Variants in ANGPTL5 observed in about 807,000 individuals in gnomAD.
ANGPTL5 encodes the protein angiopoietin like 5.
Under a neutral mutation model 39.4 loss-of-function variants are expected in ANGPTL5, and 34 were observed. The ratio of observed to expected loss-of-function variants is 0.86; its 90% CI spans 0.66 to 1.15. The LOEUF (loss-of-function observed/expected upper bound fraction) is 1.15, where lower values mean the gene tolerates loss of function less well. Ranked by LOEUF, ANGPTL5 falls within the 50% of genes most tolerant of loss-of-function variation. The pLI is 0.00. For missense variants in ANGPTL5, 467 were observed against 457.5 expected (o/e 1.02, Z -0.19); for synonymous variants, 146 against 152.1 (o/e 0.96, Z 0.29).
intron 1 of ANGPTL5, among the ~76,000 whole-genome samples, chr11:101,908,780 C>CAAA (rs59041644): frequency 0.048 from 3,123 of 64,874 alleles, 56 homozygotes; most frequent in Non-Finnish European, 0.057. Context: ...GACTCCATCT[C>CAAA]AAAAAAAAAA....
chr11:101,897,607 A>C (rs1939823241), intron 7 of ANGPTL5, among the ~76,000 whole-genome samples: 1 of 152,140 alleles, frequency 6.6e-6, no homozygotes, highest in Non-Finnish European at 1.5e-5. Flanking sequence ...ATTTATTAAA[A>C]AGGGAATCCT....
intron 1 of ANGPTL5, among the ~76,000 whole-genome samples, chr11:101,910,012 C>G (rs768724669): frequency 1.1e-4 from 17 of 152,334 alleles, no homozygotes; most frequent in Non-Finnish European, 1.2e-4. Context: ...GCTGCTCATG[C>G]TGCTGGGTGG....
rs554606250 is a variant in ANGPTL5, at chr11:101,916,504, G to C, written c.-578C>G. 6.6e-6 allele frequency: 1 copy of C among 152,178 alleles called. No individual in the cohort carries two copies. The highest frequency in any genetic ancestry group is 2.1e-4 in the South Asian group (1 of 4,830). The allele number at this position is 152,178 out of a possible 1,614,324, so 9.4% of individuals were successfully genotyped here. A position where few individuals can be genotyped will look rare whatever the true frequency, so the allele number is the denominator to read the frequency against. ...CTCAAAATGGTAGCTTGCAATAGCTGCTTCTAGTTCCTCTCATCTATTCAT... is the reference window on the plus strand; with the variant it reads ...CTCAAAATGGTAGCTTGCAATAGCTCCTTCTAGTTCCTCTCATCTATTCAT... On this transcript the variant is annotated 5_prime_UTR_variant, in exon 1 of 9. Coordinates refer to ENST00000334289, the MANE Select transcript of ANGPTL5 (RefSeq NM_178127.5).
intron 7 of ANGPTL5, among the ~76,000 whole-genome samples, chr11:101,897,246 T>C (rs1023583329): frequency 1.3e-5 from 2 of 152,238 alleles, no homozygotes; most frequent in Non-Finnish European, 2.9e-5. Context: ...TTGTAGATTC[T>C]GGATATTAGC....
intron 1 of ANGPTL5, chr11:101,915,175 G>A: frequency 2.0e-6 from 3 of 1,499,810 alleles, no homozygotes; most frequent in South Asian, 1.3e-5. Context: ...CCCGTGACGC[G>A]GGGCCTGAGA....
chr11:101,891,525 A>G lies in ANGPTL5; in HGVS notation c.921T>C (p.Asn307=), dbSNP rs777356410. The part of the protein sequence containing the change: ...AMPFSTSDVD[N]DGCRPACLVN... ...CCAGGCATGCAGGGCGACACCCATCATTATCAACATCTGATGTGCTAAAAG... is the reference window on the plus strand; with the variant it reads ...CCAGGCATGCAGGGCGACACCCATCGTTATCAACATCTGATGTGCTAAAAG... Residue 307 remains asparagine (N), a synonymous_variant, in exon 9 of 9, where the codon AAT becomes AAC. Coordinates refer to ENST00000334289, the MANE Select transcript of ANGPTL5 (RefSeq NM_178127.5). The G allele has an allele frequency of 6.2e-7, 1 of 1,614,096 alleles. No individual in the cohort carries two copies. Among genetic ancestry groups the G allele is most frequent in the Admixed American group, 1.7e-5 (1 of 59,978 alleles).
chr11:101,898,274 T>C (rs188317640), intron 7 of ANGPTL5, among the ~76,000 whole-genome samples: 27 of 152,340 alleles, frequency 1.8e-4, no homozygotes, highest in Admixed American at 1.7e-3. Flanking sequence ...ATACTGATTC[T>C]TCCTATTTAT....
Position 101,891,121 on chromosome 11 carries a change from C to A in ANGPTL5, c.*158G>T. 1.6e-6 allele frequency: 1 copy of A among 609,148 alleles called. No individual in the cohort carries two copies. Among genetic ancestry groups the A allele is most frequent in the Non-Finnish European group, 2.7e-6 (1 of 365,418 alleles). 37.7% of individuals were successfully genotyped at this position (609,148 alleles called of 1,614,324 possible). A position where few individuals can be genotyped will look rare whatever the true frequency, so the allele number is the denominator to read the frequency against. On this transcript the variant is annotated 3_prime_UTR_variant, in exon 9 of 9. Transcript: ENST00000334289. ...AAGCCATGTTTTCTTTTATAGAATA[C>A]TACAAAATTGAAGTTTTCTAATTAA...
chr11:101,915,787 A>C (rs1264397182), intron 1 of ANGPTL5, among the ~76,000 whole-genome samples: 1 of 152,250 alleles, frequency 6.6e-6, no homozygotes, highest in East Asian at 1.9e-4. Context: ...TACACAAATA[A>C]GTAAAATGTT....
intron 7 of ANGPTL5, 61 bp from the exon 8 acceptor site, chr11:101,895,125 T>C: frequency 7.6e-7 from 1 of 1,311,098 alleles, no homozygotes; most frequent in Non-Finnish European, 1.0e-6. Flanking sequence ...TGGTTTATTA[T>C]TGAATGTTTG....
chr11:101,897,129 T>G (rs764572047), intron 7 of ANGPTL5, among the ~76,000 whole-genome samples: 3 of 152,232 alleles, frequency 2.0e-5, no homozygotes, highest in Non-Finnish European at 4.4e-5. Context: ...TTTTTTCATA[T>G]GTGGTTGGCC....
chr11:101,904,647 C>T (rs1939966607), intron 5 of ANGPTL5, among the ~76,000 whole-genome samples, 167 bp downstream of exon 5: 1 of 152,166 alleles, frequency 6.6e-6, no homozygotes, highest in South Asian at 2.1e-4. Context: ...AGAAAGTACA[C>T]GTTGTCTATG....
intron 1 of ANGPTL5, among the ~76,000 whole-genome samples, chr11:101,914,216 T>C (rs546281177): frequency 2.6e-5 from 4 of 152,228 alleles, no homozygotes; most frequent in Non-Finnish European, 5.9e-5. Context: ...ATCTGGGAAT[T>C]TTTCCAAGAA....
At chr11:101,894,576 T>C (rs908863736) in intron 8 of ANGPTL5, among the ~76,000 whole-genome samples, 2 of 152,152 alleles carry the variant, frequency 1.3e-5, no homozygotes, top group Non-Finnish European at 2.9e-5. Flanking sequence ...TGTCAGCCTC[T>C]CTGAACATGA....
intron 1 of ANGPTL5, among the ~76,000 whole-genome samples, chr11:101,912,287 A>C (rs1430340377): frequency 6.6e-6 from 1 of 152,264 alleles, no homozygotes. Context: ...TTCTGATAAA[A>C]AATAGGGATT....
chr11:101,895,670 C>G (rs1939778739), intron 7 of ANGPTL5, among the ~76,000 whole-genome samples: 1 of 152,130 alleles, frequency 6.6e-6, no homozygotes. Flanking sequence ...GGTTTAGGAT[C>G]AATATTTCCA....
chr11:101,901,811 A>G (rs1231786119), intron 6 of ANGPTL5, among the ~76,000 whole-genome samples: 1 of 152,152 alleles, frequency 6.6e-6, no homozygotes, highest in Non-Finnish European at 1.5e-5. Flanking sequence ...CTAAGAAGAG[A>G]AACCGGTAGT....
chr11:101,902,715 T>A lies in ANGPTL5; in HGVS notation c.446A>T (p.Asp149Val), dbSNP rs533409426. Residue 149 changes from aspartate (D) to valine (V), a missense_variant, in exon 6 of 9, where the codon GAT becomes GTT. Coordinates refer to ENST00000334289, the MANE Select transcript of ANGPTL5 (RefSeq NM_178127.5). ...AATGGTATCCTTAATATCAGTGCAATCTAAACCTAGAAAAGCAAAATTATT... is the reference window on the plus strand; with the variant it reads ...AATGGTATCCTTAATATCAGTGCAAACTAAACCTAGAAAAGCAAAATTATT... Reference protein sequence around the residue: ...PHRPVQSHGLDCTDIKDTIGS... With the variant: ...PHRPVQSHGLVCTDIKDTIGS... 1 of 1,607,242 alleles carries A rather than the reference T, an allele frequency of 6.2e-7. No homozygotes were observed. The highest frequency in any genetic ancestry group is 1.1e-5 in the South Asian group (1 of 90,354).
intron 5 of ANGPTL5, among the ~76,000 whole-genome samples, chr11:101,903,014 C>T (rs1038590739): frequency 6.6e-6 from 1 of 152,088 alleles, no homozygotes; most frequent in African/African-American, 2.4e-5. Context: ...TATAATTACA[C>T]ATTCTCTTTA....
Sources: allele counts gnomAD v4.1 joint callset (sites outside exome capture counted in the v4.1 genomes callset), GRCh38; gene constraint gnomAD v4.1.1; transcripts MANE v1.5; gene names NCBI Gene and HGNC (gene_info 2026-07-23, HGNC 2026-07-21).